The following PPFIBP1 variants were observed in gnomAD, a reference collection of about 807,000 sequenced individuals.
PPFIBP1 encodes liprin-beta-1.
A neutral mutation model predicts 137.8 loss-of-function variants in PPFIBP1; 112 were observed. That is an observed-to-expected ratio of 0.81 (90% CI 0.70 to 0.95). The LOEUF is 0.95. Among genes scored for constraint, PPFIBP1 ranks in the 40% least tolerant of loss-of-function variants. The probability of loss-of-function intolerance (pLI) is 0.00; values close to 1 mark genes in which losing one functional copy is unlikely to be tolerated. For missense variants in PPFIBP1, 1,083 were observed against 1,196.6 expected, an observed-to-expected ratio of 0.91 and a Z score of 1.40; for synonymous variants, 378 against 417.3, an observed-to-expected ratio of 0.91 and a Z score of 1.15.
chr12:27,606,102 A>C (rs1449636775), intron 2 of PPFIBP1, among the ~76,000 whole-genome samples: 1 of 152,174 alleles, frequency 6.6e-6, no homozygotes, highest in Non-Finnish European at 1.5e-5. Context: ...TTAATAAGAA[A>C]AGGATTTGCA....
chr12:27,615,223 C>T (rs1200602251), intron 2 of PPFIBP1, among the ~76,000 whole-genome samples: 3 of 152,166 alleles, frequency 2.0e-5, no homozygotes, highest in Non-Finnish European at 2.9e-5. Flanking sequence ...GGAAATTATA[C>T]AAGTTATTTG....
At chr12:27,568,527 C>G (rs898444315) in intron 1 of PPFIBP1, among the ~76,000 whole-genome samples, 4 of 152,162 alleles carry the variant, frequency 2.6e-5, no homozygotes, top group African/African-American at 9.7e-5. Flanking sequence ...AGTGGAGGGG[C>G]CTTGTTTTGC....
intron 2 of PPFIBP1, among the ~76,000 whole-genome samples, chr12:27,607,616 G>A (rs2054656022): frequency 6.6e-6 from 1 of 152,176 alleles, no homozygotes; most frequent in African/African-American, 2.4e-5. Flanking sequence ...TTTCTGACAA[G>A]TTCTCAAGTT....
chr12:27,562,888 G>A (rs1448751705), intron 1 of PPFIBP1, among the ~76,000 whole-genome samples: 1 of 152,022 alleles, frequency 6.6e-6, no homozygotes, highest in East Asian at 1.9e-4. Context: ...GTTATACCCT[G>A]AAAAATAACT....
intron 2 of PPFIBP1, among the ~76,000 whole-genome samples, chr12:27,590,693 T>C (rs1217340575): frequency 6.6e-6 from 1 of 152,192 alleles, no homozygotes; most frequent in African/African-American, 2.4e-5. Flanking sequence ...GCAGGTTCTT[T>C]AAGGATGAGT....
intron 5 of PPFIBP1, among the ~76,000 whole-genome samples, chr12:27,646,931 C>A (rs1305220189): frequency 6.6e-6 from 1 of 152,210 alleles, no homozygotes; most frequent in Non-Finnish European, 1.5e-5. Context: ...TGAGTTGCCC[C>A]CCCTGACTTT....
chr12:27,567,778 A>G (rs2049807691), intron 1 of PPFIBP1, among the ~76,000 whole-genome samples: 2 of 152,220 alleles, frequency 1.3e-5, no homozygotes, highest in African/African-American at 4.8e-5. Flanking sequence ...AAGTCTGGAA[A>G]GGTTGTTTGG....
chr12:27,631,364 G>A (rs946391051), intron 2 of PPFIBP1, among the ~76,000 whole-genome samples: 2 of 152,062 alleles, frequency 1.3e-5, no homozygotes, highest in Non-Finnish European at 2.9e-5. Flanking sequence ...CCAGTCCCTG[G>A]CTACCTGTTT....
At chr12:27,679,662 G>A in intron 20 of PPFIBP1, 23 bp downstream of exon 20, 2 of 1,610,476 alleles carry the variant, frequency 1.2e-6, no homozygotes, top group Non-Finnish European at 1.7e-6. Context: ...GTAAACAAGT[G>A]GAATGGGCCC....
chr12:27,570,935 A>G (rs28496998), intron 1 of PPFIBP1, among the ~76,000 whole-genome samples: 3 of 133,742 alleles, frequency 2.2e-5, no homozygotes, highest in African/African-American at 7.8e-5. Flanking sequence ...AAATAAAAAA[A>G]TAAAAAAATA....
chr12:27,644,137 CG>C (rs913395410), intron 4 of PPFIBP1, among the ~76,000 whole-genome samples: 3 of 151,896 alleles, frequency 2.0e-5, no homozygotes, highest in Admixed American at 6.6e-5. Flanking sequence ...AGTGCAGTGG[CG>C]CAAACATGGC....
At chr12:27,586,399 GT>G (rs960010571) in intron 2 of PPFIBP1, among the ~76,000 whole-genome samples, 1 of 152,186 alleles carries the variant, frequency 6.6e-6, no homozygotes, top group African/African-American at 2.4e-5. Flanking sequence ...GCTTAAAAAT[GT>G]TAATAAAGAC....
At chr12:27,594,477 C>G (rs150884781) in intron 2 of PPFIBP1, among the ~76,000 whole-genome samples, 6,353 of 152,220 alleles carry the variant, frequency 0.042, 170 homozygotes, top group Middle Eastern at 0.092. Flanking sequence ...CACGCCCAGC[C>G]CCATTCCCTT....
At chr12:27,531,564 A>G (rs1704645557) in intron 1 of PPFIBP1, among the ~76,000 whole-genome samples, 1 of 152,104 alleles carries the variant, frequency 6.6e-6, no homozygotes, top group African/African-American at 2.4e-5. Flanking sequence ...CAGCCTCCCA[A>G]AGTGCTGGGA....
At chr12:27,528,767 C>T (rs182023219) in intron 1 of PPFIBP1, among the ~76,000 whole-genome samples, 82 of 152,122 alleles carry the variant, frequency 5.4e-4, no homozygotes, top group African/African-American at 1.7e-3. Context: ...TTTAAGTTTA[C>T]GCACTTTTTA....
rs917794204 is a variant in PPFIBP1, at chr12:27,689,086, G to A, written c.2568G>A (p.Leu856=). Residue 856 remains leucine, a synonymous_variant, in exon 27 of 30, where the codon CTG becomes CTA. Coordinates refer to ENST00000228425, the MANE Select transcript of PPFIBP1 (RefSeq NM_003622.4). ...LLNIPPNKTL[L]RRHLATHFNL... is the part of the protein sequence containing the mutation. The stretch of plus-strand genomic sequence containing the variant: ...ACATCCCACCCAATAAGACTTTGCT[G>A]CGAAGACATTTGGCCACTCATTTCA... 4.3e-6 allele frequency: 7 copies of A among 1,613,156 alleles called. No homozygotes were observed. Among genetic ancestry groups the A allele is most frequent in the Non-Finnish European group, 5.9e-6 (7 of 1,179,832 alleles).
chr12:27,539,958 A>G (rs534576406), intron 1 of PPFIBP1, among the ~76,000 whole-genome samples: 25 of 152,050 alleles, frequency 1.6e-4, no homozygotes, highest in Non-Finnish European at 3.4e-4. Flanking sequence ...ATTTCCTTAC[A>G]CTACTAAAAT....
chr12:27,543,285 A>T (rs1476721053), intron 1 of PPFIBP1, among the ~76,000 whole-genome samples: 2 of 152,238 alleles, frequency 1.3e-5, no homozygotes, highest in Non-Finnish European at 2.9e-5. Flanking sequence ...TTATAATCCA[A>T]TGCAGTCTTT....
chr12:27,616,143 CT>C (rs1490261600), intron 2 of PPFIBP1, among the ~76,000 whole-genome samples: 1 of 151,512 alleles, frequency 6.6e-6, no homozygotes, highest in African/African-American at 2.4e-5. Context: ...CCCTCCTTTC[CT>C]TTTTATACCC....
Sources: allele counts gnomAD v4.1 joint callset (sites outside exome capture counted in the v4.1 genomes callset), GRCh38; gene constraint gnomAD v4.1.1; transcripts MANE v1.5; gene names NCBI Gene and HGNC (gene_info 2026-07-23, HGNC 2026-07-21).